SSBP2: variants seen among roughly 807,000 people sequenced by gnomAD.
The protein encoded by SSBP2 is single stranded DNA binding protein 2.
In SSBP2, 17 loss-of-function variants were observed where a neutral mutation model predicts 61.8. The observed-to-expected ratio is 0.28, with a 90% CI of 0.19 to 0.41. The LOEUF (loss-of-function observed/expected upper bound fraction) is 0.41. SSBP2 is among the 10% of genes least tolerant of loss of function. SSBP2 has a pLI of 1.00. For missense variants in SSBP2, 310 were observed against 458.7 expected, an observed-to-expected ratio of 0.68 and a Z score of 2.96; for synonymous variants, 139 against 141.3, an observed-to-expected ratio of 0.98 and a Z score of 0.12.
At chr5:81,616,916 A>T (rs1208137582) in intron 3 of SSBP2, among the ~76,000 whole-genome samples, 5 of 149,672 alleles carry the variant, frequency 3.3e-5, no homozygotes, top group Admixed American at 2.0e-4. Flanking sequence ...GAAAACTAAC[A>T]ACCAGAAAGG....
intron 8 of SSBP2, among the ~76,000 whole-genome samples, chr5:81,472,455 T>C (rs1765311033): frequency 1.3e-5 from 2 of 152,216 alleles, no homozygotes; most frequent in African/African-American, 2.4e-5. Flanking sequence ...TTAATGTTTA[T>C]TTCTAAATGG....
chr5:81,730,657 A>G (rs1226801109), intron 1 of SSBP2, among the ~76,000 whole-genome samples: 2 of 152,260 alleles, frequency 1.3e-5, no homozygotes, highest in South Asian at 2.1e-4. Context: ...TATAAATTAT[A>G]GGTCATAATT....
intron 4 of SSBP2, among the ~76,000 whole-genome samples, chr5:81,544,772 G>GAC (rs1442877060): frequency 6.6e-6 from 1 of 152,204 alleles, no homozygotes; most frequent in Non-Finnish European, 1.5e-5. Context: ...TTGCTTCTCA[G>GAC]ACACACAGCC....
intron 6 of SSBP2, among the ~76,000 whole-genome samples, chr5:81,488,365 A>G (rs1307951666): frequency 6.6e-6 from 1 of 151,972 alleles, no homozygotes; most frequent in Non-Finnish European, 1.5e-5. Context: ...CCTTTTCTTT[A>G]CATACTTGGT....
intron 4 of SSBP2, among the ~76,000 whole-genome samples, chr5:81,571,438 AAAAC>A (rs568897116): frequency 4.5e-4 from 69 of 152,300 alleles, no homozygotes; most frequent in African/African-American, 1.6e-3. Context: ...AGAGGAAATC[AAAAC>A]AAACAGAAAC....
chr5:81,722,994 G>T (rs1755635557), intron 1 of SSBP2, among the ~76,000 whole-genome samples: 1 of 151,898 alleles, frequency 6.6e-6, no homozygotes, highest in Admixed American at 6.6e-5. Context: ...ACATGATACT[G>T]TAATTATTTA....
intron 4 of SSBP2, among the ~76,000 whole-genome samples, chr5:81,579,647 C>G (rs1343480277): frequency 6.6e-6 from 1 of 152,100 alleles, no homozygotes; most frequent in African/African-American, 2.4e-5. Context: ...GCTACGGTTT[C>G]TACTGAATAA....
chr5:81,476,434 C>T (rs1258510140), intron 6 of SSBP2, among the ~76,000 whole-genome samples: 2 of 152,136 alleles, frequency 1.3e-5, no homozygotes, highest in Non-Finnish European at 2.9e-5. Flanking sequence ...CTATTCTATC[C>T]CTACCTATCA....
At chr5:81,492,577 G>T (rs993777833) in intron 5 of SSBP2, among the ~76,000 whole-genome samples, 2 of 151,808 alleles carry the variant, frequency 1.3e-5, no homozygotes. Flanking sequence ...TTTATGTTTG[G>T]GGCAACATTC....
At chr5:81,487,808 C>T (rs1229287513) in intron 6 of SSBP2, among the ~76,000 whole-genome samples, 1 of 150,848 alleles carries the variant, frequency 6.6e-6, no homozygotes, top group Non-Finnish European at 1.5e-5. Context: ...TTGATCAACA[C>T]CTTCCTATTT....
At chr5:81,527,621 A>G (rs185959215) in intron 4 of SSBP2, among the ~76,000 whole-genome samples, 334 of 152,024 alleles carry the variant, frequency 2.2e-3, no homozygotes, top group African/African-American at 7.6e-3. Flanking sequence ...CAGAAAGGAA[A>G]TTTCACACCC....
At chr5:81,616,511 A>T (rs535603093) in intron 3 of SSBP2, 192 of 150,182 alleles carry the variant, frequency 1.3e-3, no homozygotes, top group South Asian at 9.8e-3. Context: ...GCAAGGCGGC[A>T]GCGAGGCTGG....
intron 1 of SSBP2, among the ~76,000 whole-genome samples, chr5:81,698,811 A>C (rs1040882807): frequency 6.6e-6 from 1 of 152,198 alleles, no homozygotes; most frequent in Non-Finnish European, 1.5e-5. Context: ...CCATCTCAAA[A>C]AATAAAAAAT....
At chr5:81,730,948 T>C (rs1409515064) in intron 1 of SSBP2, among the ~76,000 whole-genome samples, 1 of 152,254 alleles carries the variant, frequency 6.6e-6, no homozygotes, top group Admixed American at 6.5e-5. Context: ...ACAGAAAATT[T>C]ACAATCTTAA....
intron 4 of SSBP2, chr5:81,615,230 A>G: frequency 2.9e-6 from 1 of 347,800 alleles, no homozygotes; most frequent in East Asian, 5.4e-5. Context: ...AGACATGCTT[A>G]AAGATAAGAA....
At chr5:81,713,160 T>C (rs1754912346) in intron 1 of SSBP2, among the ~76,000 whole-genome samples, 1 of 151,760 alleles carries the variant, frequency 6.6e-6, no homozygotes, top group Admixed American at 6.6e-5. Flanking sequence ...AAAGAGCAAA[T>C]AGGGTTAGTA....
chr5:81,704,302 G>C (rs1247735330), intron 1 of SSBP2, among the ~76,000 whole-genome samples: 1 of 152,088 alleles, frequency 6.6e-6, no homozygotes, highest in Non-Finnish European at 1.5e-5. Context: ...AGTTACCTAT[G>C]AGTCTTATGA....
Position 81,420,294 on chromosome 5 carries a change from A to T in SSBP2, c.*210T>A. 1.7e-6 allele frequency: 1 copy of T among 591,410 alleles called. No individual in the cohort carries two copies. The allele number at this position is 591,410 out of a possible 1,614,324, so 36.6% of individuals were successfully genotyped here. ...ATTATTTGCAGTTCAGTTTAGGGCAATTCTAATATGCCACTCCGTACAGTT... is the reference window on the plus strand; with the variant it reads ...ATTATTTGCAGTTCAGTTTAGGGCATTTCTAATATGCCACTCCGTACAGTT... On this transcript the variant is annotated 3_prime_UTR_variant, in exon 17 of 17. Coordinates refer to ENST00000320672, the MANE Select transcript of SSBP2 (RefSeq NM_012446.5).
intron 4 of SSBP2, among the ~76,000 whole-genome samples, chr5:81,545,489 A>C (rs572377811): frequency 6.6e-6 from 1 of 152,364 alleles, no homozygotes; most frequent in East Asian, 1.9e-4. Context: ...AGTTGTGTGA[A>C]TAAAGTCTGA....
Sources: gnomAD v4.1 joint callset for allele counts (sites outside exome capture counted in the v4.1 genomes callset) on GRCh38, gnomAD v4.1.1 for gene constraint, MANE v1.5 for transcripts, NCBI Gene and HGNC (gene_info 2026-07-23, HGNC 2026-07-21) for gene names.